Variants in UBE3A observed in about 807,000 individuals in gnomAD.
UBE3A encodes ubiquitin protein ligase E3A.
UBE3A carries 6 observed loss-of-function variants against 83.4 expected under a neutral mutation model. The ratio of observed to expected loss-of-function variants is 0.07; its 90% CI spans 0.04 to 0.14. The LOEUF is 0.14. UBE3A is among the 10% of genes least tolerant of loss of function. The pLI is 1.00. For missense variants in UBE3A, 456 were observed against 1,036.1 expected (o/e 0.44, Z 7.69); for synonymous variants, 337 against 355.4 (o/e 0.95, Z 0.58).
intron 6 of UBE3A, among the ~76,000 whole-genome samples, chr15:25,369,579 T>C (rs994802380): frequency 6.6e-6 from 1 of 152,270 alleles, no homozygotes. Flanking sequence ...TAGTATACTA[T>C]AGTATTATTA....
At chr15:25,364,071 T>TAAATAAATAAATAAATAAATAAAA (rs1428292360) in intron 6 of UBE3A, among the ~76,000 whole-genome samples, 1 of 150,522 alleles carries the variant, frequency 6.6e-6, no homozygotes, top group African/African-American at 2.4e-5. Context: ...AATAAATAAA[T>TAAATAAATAAATAAATAAATAAAA]AAAAAATAGT....
intron 4 of UBE3A, among the ~76,000 whole-genome samples, chr15:25,387,509 G>A (rs1017452893): frequency 5.3e-5 from 8 of 151,378 alleles, no homozygotes; most frequent in African/African-American, 1.2e-4. Context: ...GCGACAAAGC[G>A]AGACTCCATC....
intron 4 of UBE3A, among the ~76,000 whole-genome samples, chr15:25,377,231 CAGA>C (rs562029788): frequency 1.5e-3 from 232 of 152,212 alleles, no homozygotes; most frequent in African/African-American, 5.3e-3. Flanking sequence ...TTTGTCTCAA[CAGA>C]AGAACTTTCA....
intron 4 of UBE3A, 88 bp downstream of exon 4, chr15:25,405,373 G>T: frequency 6.9e-7 from 1 of 1,440,336 alleles, no homozygotes; most frequent in South Asian, 1.2e-5. Flanking sequence ...CTTTTAACCA[G>T]AAATTATTTC....
At chr15:25,380,508 C>T (rs753578626) in intron 4 of UBE3A, among the ~76,000 whole-genome samples, 17 of 150,776 alleles carry the variant, frequency 1.1e-4, no homozygotes, top group Admixed American at 2.0e-4. Flanking sequence ...TGAGCAAATC[C>T]GTAAAATAAA....
In UBE3A at chr15:25,430,501, G is replaced by A. The variant is rs529655969; in HGVS notation, c.-165+7988C>T. ...TAGCAATATGGACAATGTGTGCACCGCCCTCGTTCCACCTCCCCTCCTAGG... is the reference window on the plus strand; with the variant it reads ...TAGCAATATGGACAATGTGTGCACCACCCTCGTTCCACCTCCCCTCCTAGG... On this transcript the variant is annotated intron_variant, in intron 1 of 12. Transcript: ENST00000648336. Among the ~76,000 whole-genome samples, 6 of 150,656 alleles carry A rather than the reference G, an allele frequency of 4.0e-5. No homozygotes were observed. The South Asian group carries it at 8.4e-4, about 21-fold the overall frequency.
At chr15:25,389,650 G>A (rs938321689) in intron 4 of UBE3A, among the ~76,000 whole-genome samples, 3 of 152,166 alleles carry the variant, frequency 2.0e-5, no homozygotes, top group Non-Finnish European at 4.4e-5. Flanking sequence ...CACTTTGGGA[G>A]GCCAAGGTGG....
intron 6 of UBE3A, among the ~76,000 whole-genome samples, chr15:25,363,348 CTGT>C (rs1566923778): frequency 6.6e-6 from 1 of 152,122 alleles, no homozygotes; most frequent in South Asian, 2.1e-4. Flanking sequence ...GCTGTTGTTG[CTGT>C]TATTTTATTG....
intron 1 of UBE3A, chr15:25,417,929 A>C (rs1887748208): frequency 6.6e-6 from 1 of 151,976 alleles, no homozygotes; most frequent in Admixed American, 6.6e-5. Context: ...AAAAAAAAAC[A>C]AAACCCCAAC....
rs375686134 is a variant in UBE3A at position 25,344,359 on chromosome 15, A to G, written c.2355-4131T>C. On this transcript the variant is annotated intron_variant, in intron 11 of 12. Transcript: ENST00000648336. ...ATTATTTTCCTAGTTCTGTCCTCTG[A>G]TAAGGCCTACAAGCAGTAACGTTCA... is the stretch of plus-strand genomic sequence containing the variant. Among the ~76,000 whole-genome samples the G allele has an allele frequency of 1.3e-4, 20 of 152,156 alleles. No individual in the cohort carries two copies. In the East Asian group the frequency reaches 1.5e-3, roughly 12 times the overall value.
At chr15:25,415,810 G>T (rs2090779890) in intron 1 of UBE3A, 1 of 143,004 alleles carries the variant, frequency 7.0e-6, no homozygotes, top group African/African-American at 2.6e-5. Context: ...CGTAATAATG[G>T]TGACTATGTT....
chr15:25,354,084 A>T (rs549926384), intron 11 of UBE3A: 3 of 523,550 alleles, frequency 5.7e-6, no homozygotes, highest in Middle Eastern at 5.4e-4. Context: ...CAGTAAGCAT[A>T]CTCTAACCAG....
At chr15:25,429,734 G>T (rs1892500706) in intron 1 of UBE3A, among the ~76,000 whole-genome samples, 1 of 151,742 alleles carries the variant, frequency 6.6e-6, no homozygotes, top group African/African-American at 2.4e-5. Flanking sequence ...GATTGGTGTG[G>T]TGGCTCATGC....
chr15:25,436,536 G>A (rs1232377977), intron 1 of UBE3A, among the ~76,000 whole-genome samples: 1 of 152,122 alleles, frequency 6.6e-6, no homozygotes, highest in Non-Finnish European at 1.5e-5. Flanking sequence ...AGTTTACACA[G>A]TAAATTTTTT....
chr15:25,382,166 A>C (rs927111817), intron 4 of UBE3A, among the ~76,000 whole-genome samples: 5 of 152,066 alleles, frequency 3.3e-5, no homozygotes, highest in Non-Finnish European at 5.9e-5. Flanking sequence ...AAAATACAAA[A>C]AAAAATTAGC....
intron 1 of UBE3A, chr15:25,415,850 A>AG (rs1555426252): frequency 8.8e-5 from 1 of 11,426 alleles, no homozygotes; most frequent in Non-Finnish European, 5.1e-4. Flanking sequence ...CCTCTACAAG[A>AG]AAAAAAAAAA....
intron 3 of UBE3A, 28 bp downstream of exon 3, chr15:25,409,060 T>C (rs1447178458): frequency 1.3e-6 from 2 of 1,573,564 alleles, no homozygotes; most frequent in East Asian, 4.5e-5. Context: ...GACAGCCTTT[T>C]AAAGGCTGTA....
rs1566912708 is a variant in UBE3A at position 25,360,483 on chromosome 15, C to T, written c.1653G>A (p.Gln551=). ...GTTCTCCTTCAAATTCCACATACAACTGCTTCTTCAAGTCTGCAGGATTTT... is the reference window on the plus strand; with the variant it reads ...GTTCTCCTTCAAATTCCACATACAATTGCTTCTTCAAGTCTGCAGGATTTT... ...AMENPADLKK[Q]LYVEFEGEQG... The change falls in exon 7 of 13, where the codon CAG becomes CAA. Residue 551 remains glutamine, a synonymous_variant. Coordinates refer to ENST00000648336, the MANE Select transcript of UBE3A (RefSeq NM_130839.5). The T allele has an allele frequency of 1.2e-5, 19 of 1,613,888 alleles. No homozygotes were observed. Among genetic ancestry groups the T allele is most frequent in the Non-Finnish European group, 1.6e-5 (19 of 1,179,920 alleles).
intron 8 of UBE3A, 59 bp downstream of exon 8, chr15:25,356,632 A>T (rs1383043219): frequency 6.6e-7 from 1 of 1,522,744 alleles, no homozygotes; most frequent in Non-Finnish European, 9.0e-7. Flanking sequence ...ACATAAATTA[A>T]ATTTTTGCAT....
Sources: gnomAD v4.1 joint callset for allele counts (sites outside exome capture counted in the v4.1 genomes callset) on GRCh38, gnomAD v4.1.1 for gene constraint, MANE v1.5 for transcripts, NCBI Gene and HGNC (gene_info 2026-07-23, HGNC 2026-07-21) for gene names.